BTD: variants seen among roughly 807,000 people sequenced by gnomAD.
BTD encodes the protein biotinidase.
In BTD, 13 loss-of-function variants were observed where a neutral mutation model predicts 17.7. The ratio of observed to expected loss-of-function variants is 0.74; its 90% CI spans 0.48 to 1.17. BTD has a LOEUF of 1.17. Ranked by LOEUF, BTD falls within the 50% of genes most tolerant of loss-of-function variation. The pLI is 0.00. For missense variants in BTD, 674 were observed against 650.4 expected (o/e 1.04, Z -0.39); for synonymous variants, 240 against 245.2 (o/e 0.98, Z 0.20).
At chr3:15,638,001 C>A (rs115727906) in intron 2 of BTD, among the ~76,000 whole-genome samples, 2 of 152,150 alleles carry the variant, frequency 1.3e-5, no homozygotes, top group African/African-American at 4.8e-5. Context: ...AGCTCCCATA[C>A]GTGGTTATAT....
At chr3:15,671,666 C>T (rs1171823615) in intron 3 of BTD, among the ~76,000 whole-genome samples, 8 of 151,346 alleles carry the variant, frequency 5.3e-5, no homozygotes, top group Non-Finnish European at 1.2e-4. Flanking sequence ...TCACTGCAAC[C>T]TTTGCCTCCT....
intron 3 of BTD, among the ~76,000 whole-genome samples, chr3:15,681,842 G>A (rs2067577291): frequency 6.6e-6 from 1 of 152,158 alleles, no homozygotes; most frequent in Non-Finnish European, 1.5e-5. Context: ...CATCTAGTGG[G>A]TAGAAACCAA....
intron 3 of BTD, chr3:15,690,167 A>T: frequency 6.2e-7 from 1 of 1,609,116 alleles, no homozygotes; most frequent in South Asian, 1.1e-5. Context: ...TGACATCAAG[A>T]TCTAACAAAG....
At chr3:15,684,858 T>TGTAATTA (rs1559330599) in intron 3 of BTD, 1 of 191,256 alleles carries the variant, frequency 5.2e-6, no homozygotes, top group East Asian at 1.5e-4. Context: ...ACATGGTGGC[T>TGTAATTA]CATGCCTGTA....
Position 15,699,211 on chromosome 3 carries a change from C to G in BTD, c.400-10849C>G, listed in dbSNP as rs550287976. ...ATATGTAGAAAGCTGAAACTGGATC[C>G]CTTCCTTACACTATATACAAAAATT... On this transcript the variant is annotated intron_variant, in intron 3 of 3. Coordinates refer to the BTD transcript ENST00000672141. Among the ~76,000 whole-genome samples the G allele has an allele frequency of 5.9e-4, 90 of 152,224 alleles. No homozygotes were observed. In the South Asian group the frequency reaches 0.019, roughly 32 times the overall value.
chr3:15,637,717 C>A (rs1030223898), intron 2 of BTD, among the ~76,000 whole-genome samples: 6 of 152,244 alleles, frequency 3.9e-5, no homozygotes, highest in Non-Finnish European at 7.3e-5. Flanking sequence ...CTGCATGGCA[C>A]TGAGTCCAGC....
chr3:15,610,685 AT>A lies in BTD; in HGVS notation c.-17+8792del, dbSNP rs748896735. ...TTCTGTGTTTTTAAAATAAGTCTTG[AT>A]GTTGGTAGGACAAGTAGTCCCTGGA... is the stretch of plus-strand genomic sequence containing the variant. On this transcript the variant is annotated intron_variant, in intron 1 of 3. Transcript: ENST00000643237. Among the ~76,000 whole-genome samples, 4 of 152,180 alleles carry A rather than the reference AT, an allele frequency of 2.6e-5. 1 individual carries two copies. Among genetic ancestry groups the A allele is most frequent in the Non-Finnish European group, 2.9e-5 (2 of 68,042 alleles).
At chr3:15,660,906 T>C (rs2065914935) in intron 3 of BTD, among the ~76,000 whole-genome samples, 1 of 152,170 alleles carries the variant, frequency 6.6e-6, no homozygotes, top group Non-Finnish European at 1.5e-5. Context: ...ATGTTTAGTT[T>C]TGTAAGAAAC....
chr3:15,686,306 G>A (rs776861316), intron 3 of BTD: 7 of 1,574,678 alleles, frequency 4.4e-6, no homozygotes, highest in Non-Finnish European at 6.0e-6. Flanking sequence ...ATGACCATTT[G>A]TTGCTGTAAA....
chr3:15,716,281 CTTTTTTTTT>C (rs373633047), downstream of BTD, among the ~76,000 whole-genome samples: 59 of 113,670 alleles, frequency 5.2e-4, no homozygotes, highest in African/African-American at 1.9e-3. Context: ...CGCACCTGGA[CTTTTTTTTT>C]TTTTTTTTTT....
intron 3 of BTD, among the ~76,000 whole-genome samples, chr3:15,683,436 C>T (rs946291345): frequency 2.6e-5 from 4 of 152,162 alleles, no homozygotes; most frequent in African/African-American, 4.8e-5. Flanking sequence ...ACACTCATTT[C>T]TACTTGCCTT....
At chr3:15,629,413 G>A (rs953511146) in intron 1 of BTD, among the ~76,000 whole-genome samples, 3 of 152,274 alleles carry the variant, frequency 2.0e-5, no homozygotes, top group African/African-American at 7.2e-5. Context: ...CTGATGGCGT[G>A]CTTACATTTG....
At chr3:15,684,921 C>G (rs1380922701) in intron 3 of BTD, 3 of 279,222 alleles carry the variant, frequency 1.1e-5, no homozygotes, top group Non-Finnish European at 2.1e-5. Context: ...GCCAGGAGTT[C>G]AAGACCAGCC....
intron 1 of BTD, chr3:15,631,390 G>C: frequency 7.0e-7 from 1 of 1,419,388 alleles, no homozygotes; most frequent in Non-Finnish European, 9.5e-7. Flanking sequence ...AAATTATTAA[G>C]AATGCCTTAA....
chr3:15,708,479 GA>G (rs1229578087), intron 3 of BTD, among the ~76,000 whole-genome samples: 1 of 151,576 alleles, frequency 6.6e-6, no homozygotes, highest in Admixed American at 6.6e-5. Context: ...AAAGGTAAGA[GA>G]AAAAAATAGA....
At chr3:15,657,814 C>T (rs1372235398), downstream of BTD, among the ~76,000 whole-genome samples, 4 of 147,682 alleles carry the variant, frequency 2.7e-5, no homozygotes, top group African/African-American at 1.0e-4. Flanking sequence ...TAAAAGTCTT[C>T]AAGCAACACT....
intron 1 of BTD, among the ~76,000 whole-genome samples, chr3:15,634,186 TAAAG>T (rs1270526650): frequency 2.6e-5 from 4 of 152,240 alleles, no homozygotes; most frequent in Admixed American, 6.5e-5. Flanking sequence ...TGATAAAAAA[TAAAG>T]AAATTTGTAG....
chr3:15,675,785 A>C (rs1334167285), intron 3 of BTD: 1 of 883,098 alleles, frequency 1.1e-6, no homozygotes, highest in East Asian at 2.8e-5. Context: ...CTTCAATATT[A>C]ACTTTAGCTC....
chr3:15,679,092 A>T (rs982634657), intron 3 of BTD, among the ~76,000 whole-genome samples: 3 of 151,748 alleles, frequency 2.0e-5, no homozygotes, highest in African/African-American at 7.2e-5. Flanking sequence ...CTCCTGCCTC[A>T]GCCTCCTGAA....
Sources: gnomAD v4.1 joint callset for allele counts (sites outside exome capture counted in the v4.1 genomes callset) on GRCh38, gnomAD v4.1.1 for gene constraint, MANE v1.5 for transcripts, NCBI Gene and HGNC (gene_info 2026-07-23, HGNC 2026-07-21) for gene names.